The following PTK2 variants were observed in gnomAD, a reference collection of about 807,000 sequenced individuals.
PTK2 encodes focal adhesion kinase 1.
A neutral mutation model predicts 150.1 loss-of-function variants in PTK2; 45 were observed. The observed-to-expected ratio is 0.30, with a 90% CI of 0.24 to 0.38. The LOEUF (loss-of-function observed/expected upper bound fraction) is 0.38. PTK2 is among the 10% of genes least tolerant of loss of function. The probability of loss-of-function intolerance (pLI) is 1.00; values close to 1 mark genes in which losing one functional copy is unlikely to be tolerated. For missense variants in PTK2, 919 were observed against 1,307.3 expected, an observed-to-expected ratio of 0.70 and a Z score of 4.58; for synonymous variants, 432 against 449.2, an observed-to-expected ratio of 0.96 and a Z score of 0.48.
chr8:140,746,665 T>C (rs545691828), intron 18 of PTK2, 95 bp downstream of exon 21: 8 of 910,166 alleles, frequency 8.8e-6, no homozygotes, highest in Middle Eastern at 2.3e-4. Context: ...AGAACTCTCC[T>C]GAAAATCCAA....
intron 7 of PTK2, among the ~76,000 whole-genome samples, chr8:140,832,181 A>C (rs2100115823): frequency 6.6e-6 from 1 of 152,102 alleles, no homozygotes; most frequent in African/African-American, 2.4e-5. Context: ...CAGTATCCCA[A>C]GTAGCTGGGT....
At chr8:140,915,635 G>A (rs1170025321) in intron 2 of PTK2, among the ~76,000 whole-genome samples, 1 of 152,026 alleles carries the variant, frequency 6.6e-6, no homozygotes, top group African/African-American at 2.4e-5. Context: ...GGTGGCTCAC[G>A]CCTGTAATCC....
chr8:140,928,170 TGG>T (rs2100170412), intron 1 of PTK2, among the ~76,000 whole-genome samples: 1 of 151,886 alleles, frequency 6.6e-6, no homozygotes, highest in Non-Finnish European at 1.5e-5. Context: ...CTGGCATGAA[TGG>T]TTGTTATTCC....
At chr8:140,916,152 C>T (rs1466232516) in intron 2 of PTK2, among the ~76,000 whole-genome samples, 1 of 152,176 alleles carries the variant, frequency 6.6e-6, no homozygotes, top group Non-Finnish European at 1.5e-5. Context: ...GTTAAGACAT[C>T]TGTTGAGAGA....
chr8:140,851,945 G>C (rs551864900), intron 5 of PTK2, among the ~76,000 whole-genome samples: 3 of 151,818 alleles, frequency 2.0e-5, no homozygotes, highest in Admixed American at 2.0e-4. Context: ...GTGTGTGCCC[G>C]TGTGTGTACT....
At chr8:140,793,419 T>C in intron 12 of PTK2, 35 bp from the exon 13 acceptor site, 4 of 1,599,332 alleles carry the variant, frequency 2.5e-6, no homozygotes, top group Non-Finnish European at 3.4e-6. Flanking sequence ...CATAAGGCTC[T>C]TTTCACTCCT....
At chr8:140,806,367 G>C (rs1465682511) in intron 10 of PTK2, among the ~76,000 whole-genome samples, 3 of 152,136 alleles carry the variant, frequency 2.0e-5, no homozygotes, top group Non-Finnish European at 4.4e-5. Context: ...ACCTGTATCA[G>C]TTTGCATCTG....
Position 140,947,646 on chromosome 8 carries a change from A to G in PTK2, c.-121-21897T>C, listed in dbSNP as rs558750887. On this transcript the variant is annotated intron_variant, in intron 1 of 31. Coordinates refer to ENST00000522684, the Ensembl canonical transcript of PTK2. ...CAAGTTTTTTTTTTTAAAGGTAAAT[A>G]AGAGGAAGGGAAGAGCCACCAAAAG... Among the ~76,000 whole-genome samples the G allele has an allele frequency of 5.3e-5, 8 of 152,080 alleles. No individual in the cohort carries two copies. The South Asian group carries it at 1.0e-3, about 20-fold the overall frequency.
At chr8:140,734,624 C>A in intron 22 of PTK2, 1 of 439,142 alleles carries the variant, frequency 2.3e-6, no homozygotes, top group Non-Finnish European at 4.6e-6. Context: ...TTAACAGTAC[C>A]TGGCACAAAG....
At chr8:140,918,037 A>C (rs1306277098) in intron 2 of PTK2, among the ~76,000 whole-genome samples, 1 of 152,238 alleles carries the variant, frequency 6.6e-6, no homozygotes, top group Admixed American at 6.5e-5. Flanking sequence ...AGTATGTGCC[A>C]AGCATATGGC....
chr8:140,846,247 G>T lies in PTK2; in HGVS notation c.593+13C>A. ...GCATATTTGCAGGTATAGATTGTAA[G>T]TACAATACTTACTCTAATACTTCAT... On this transcript the variant is annotated intron_variant, in intron 7 of 31. Coordinates refer to ENST00000522684, the Ensembl canonical transcript of PTK2. 6.3e-7 allele frequency: 1 copy of T among 1,593,726 alleles called. No homozygotes were observed. Among genetic ancestry groups the T allele is most frequent in the Non-Finnish European group, 8.6e-7 (1 of 1,163,838 alleles).
intron 22 of PTK2, chr8:140,734,744 T>G (rs1444675280): frequency 1.9e-6 from 1 of 518,232 alleles, no homozygotes; most frequent in Non-Finnish European, 3.8e-6. Flanking sequence ...CAGGGTTGAT[T>G]AGGAAGCCTT....
chr8:140,786,769 A>G (rs2100085210), intron 14 of PTK2, among the ~76,000 whole-genome samples: 1 of 152,154 alleles, frequency 6.6e-6, no homozygotes, highest in Non-Finnish European at 1.5e-5. Flanking sequence ...TCCACTGGAC[A>G]CCACTTATTC....
chr8:140,722,462 C>A (rs997819365), intron 22 of PTK2, among the ~76,000 whole-genome samples: 1 of 151,796 alleles, frequency 6.6e-6, no homozygotes, highest in African/African-American at 2.4e-5. Flanking sequence ...AAATAAAAAT[C>A]TCACTGTGTT....
chr8:140,666,343 C>T (rs1275903718), intron 30 of PTK2, among the ~76,000 whole-genome samples: 1 of 151,804 alleles, frequency 6.6e-6, no homozygotes, highest in East Asian at 1.9e-4. Flanking sequence ...GAGACTCCAT[C>T]TCAAACAAAA....
chr8:140,867,395 G>A (rs535846824), intron 4 of PTK2, among the ~76,000 whole-genome samples: 5 of 152,142 alleles, frequency 3.3e-5, no homozygotes, highest in Admixed American at 6.5e-5. Flanking sequence ...GCTATTTAGA[G>A]GTAGGCATGG....
chr8:140,699,645 AC>A (rs542223473), intron 26 of PTK2, among the ~76,000 whole-genome samples: 145 of 152,356 alleles, frequency 9.5e-4, no homozygotes, highest in African/African-American at 3.5e-3. Context: ...AATAGTTTAT[AC>A]GTAAGCTGAC....
exon 2 of PTK2, chr8:140,925,729 G>C (rs996376780): frequency 4.6e-5 from 41 of 890,948 alleles, no homozygotes; most frequent in Non-Finnish European, 5.4e-5. Context: ...ACTGGAAGAT[G>C]CAAGGGAGCC....
chr8:140,820,207 C>T (rs1260687454), intron 8 of PTK2, among the ~76,000 whole-genome samples: 1 of 148,540 alleles, frequency 6.7e-6, no homozygotes, highest in Admixed American at 6.8e-5. Flanking sequence ...TCAAGCGATT[C>T]TCCTGCCCCA....
Sources: gnomAD v4.1 joint callset for allele counts (sites outside exome capture counted in the v4.1 genomes callset) on GRCh38, gnomAD v4.1.1 for gene constraint, MANE v1.5 for transcripts, NCBI Gene and HGNC (gene_info 2026-07-23, HGNC 2026-07-21) for gene names.